The following JADE3 variants were observed in gnomAD, a reference collection of about 807,000 sequenced individuals.
JADE3 encodes the protein jade family PHD finger 3.
A neutral mutation model predicts 50.1 loss-of-function variants in JADE3; 2 were observed. The ratio of observed to expected loss-of-function variants is 0.04; its 90% CI spans 0.02 to 0.13. JADE3 has a LOEUF of 0.13. Ranked by LOEUF, JADE3 falls within the 10% of genes least tolerant of loss-of-function variation. The pLI is 1.00. For missense variants in JADE3, 475 were observed against 634.4 expected (o/e 0.75, Z 2.70); for synonymous variants, 218 against 232.9 (o/e 0.94, Z 0.58).
chrX:46,964,075 T>C (rs1043264317), intron 1 of JADE3, among the ~76,000 whole-genome samples: 2 of 112,494 alleles, frequency 1.8e-5, no homozygotes, highest in Non-Finnish European at 3.8e-5. Flanking sequence ...TGTTCACATG[T>C]CATGACCCTG....
chrX:46,915,485 C>G (rs1926061686), intron 1 of JADE3, among the ~76,000 whole-genome samples: 1 of 111,731 alleles, frequency 9.0e-6, no homozygotes, highest in Admixed American at 9.5e-5. Flanking sequence ...TTCTGTTGTT[C>G]CAGTTACAGT....
intron 6 of JADE3, among the ~76,000 whole-genome samples, chrX:47,032,610 C>T (rs1381493775): frequency 9.0e-6 from 1 of 110,878 alleles, no homozygotes; most frequent in Non-Finnish European, 1.9e-5. Context: ...GTGGTGAGGA[C>T]GGAGAGGAAC....
At chrX:47,040,493 A>G (rs1929233155) in intron 8 of JADE3, among the ~76,000 whole-genome samples, 1 of 111,251 alleles carries the variant, frequency 9.0e-6, no homozygotes, top group Non-Finnish European at 1.9e-5. Context: ...GTCTCCCATC[A>G]CCCCCAGATG....
chrX:46,953,671 G>A (rs1927056207), intron 1 of JADE3, among the ~76,000 whole-genome samples: 1 of 112,113 alleles, frequency 8.9e-6, no homozygotes, highest in South Asian at 3.7e-4. Context: ...GACAAAAGTT[G>A]CTAAGAGTAA....
At chrX:46,955,674 G>T (rs1214156971) in intron 1 of JADE3, among the ~76,000 whole-genome samples, 1 of 111,067 alleles carries the variant, frequency 9.0e-6, no homozygotes, top group Non-Finnish European at 1.9e-5. Context: ...AAACTGAGAG[G>T]TTCCAGTCCA....
intron 1 of JADE3, among the ~76,000 whole-genome samples, chrX:46,980,211 T>A (rs1348428903): frequency 9.0e-6 from 1 of 111,477 alleles, no homozygotes; most frequent in Non-Finnish European, 1.9e-5. Flanking sequence ...GTCATTTGTT[T>A]CCTTACTGTT....
intron 3 of JADE3, among the ~76,000 whole-genome samples, chrX:46,994,243 A>G (rs1364124584): frequency 8.9e-6 from 1 of 112,054 alleles, no homozygotes; most frequent in Non-Finnish European, 1.9e-5. Flanking sequence ...TTAAGCATTG[A>G]TGTTCTAATT....
At chrX:46,932,678 A>G (rs782603102) in intron 1 of JADE3, among the ~76,000 whole-genome samples, 1 of 111,978 alleles carries the variant, frequency 8.9e-6, no homozygotes, top group African/African-American at 3.2e-5. Flanking sequence ...GTTGGTTTTG[A>G]TGCTGTGCTA....
At chrX:46,915,408 AAGTG>A (rs1402821387) in intron 1 of JADE3, among the ~76,000 whole-genome samples, 3 of 112,147 alleles carry the variant, frequency 2.7e-5, no homozygotes, top group African/African-American at 9.7e-5. Context: ...TATAGGTGAG[AAGTG>A]AGTGTTAGGT....
intron 9 of JADE3, among the ~76,000 whole-genome samples, chrX:47,055,880 CT>C (rs1929623119): frequency 8.9e-6 from 1 of 112,031 alleles, no homozygotes; most frequent in African/African-American, 3.2e-5. Context: ...GAGCATTTTG[CT>C]TTTACTATTG....
intron 1 of JADE3, among the ~76,000 whole-genome samples, chrX:46,914,882 G>A (rs1425517708): frequency 8.9e-6 from 1 of 112,144 alleles, no homozygotes; most frequent in Non-Finnish European, 1.9e-5. Context: ...AGGCCCGTAG[G>A]GGAGATTCCC....
chrX:47,051,126 G>A (rs1327828729), intron 8 of JADE3, among the ~76,000 whole-genome samples: 1 of 110,480 alleles, frequency 9.1e-6, no homozygotes, highest in Non-Finnish European at 1.9e-5. Context: ...AGGGGGAGGT[G>A]TATAGAGTGG....
chrX:47,048,933 A>C (rs1241606675), intron 8 of JADE3, among the ~76,000 whole-genome samples: 2 of 112,040 alleles, frequency 1.8e-5, no homozygotes, highest in African/African-American at 6.5e-5. Context: ...CATGTATAAA[A>C]GATGCTTTGT....
chrX:46,966,137 T>C (rs369498002), intron 1 of JADE3, among the ~76,000 whole-genome samples: 16 of 111,792 alleles, frequency 1.4e-4, no homozygotes, highest in African/African-American at 5.2e-4. Context: ...TGTTCCAGGG[T>C]AAGATATAGG....
At chrX:47,009,105 T>C (rs1037702998) in intron 4 of JADE3, among the ~76,000 whole-genome samples, 2 of 110,592 alleles carry the variant, frequency 1.8e-5, no homozygotes, top group Non-Finnish European at 3.8e-5. Flanking sequence ...GGAGGATTAC[T>C]TGAGCCCAGG....
At chrX:47,051,324 AT>A (rs1929498243) in intron 8 of JADE3, among the ~76,000 whole-genome samples, 2 of 112,273 alleles carry the variant, frequency 1.8e-5, no homozygotes, top group Non-Finnish European at 3.8e-5. Flanking sequence ...TAGGTGTTGA[AT>A]TTCTCAATCT....
rs782550037 is a variant in JADE3, at chrX:47,053,041, G to A, written c.973-1117G>A. 2.7e-5 allele frequency among the ~76,000 whole-genome samples: 3 copies of A among 110,590 alleles called. No homozygotes were observed. The South Asian group carries it at 1.2e-3, about 44-fold the overall frequency. On this transcript the variant is annotated intron_variant, in intron 8 of 10. Transcript: ENST00000614628. ...ACTGCACTCCAGCCTGGGTGACAAAGTGAGACACCGTCTAAAAAAATTTTT... is the reference window on the plus strand; with the variant it reads ...ACTGCACTCCAGCCTGGGTGACAAAATGAGACACCGTCTAAAAAAATTTTT...
intron 4 of JADE3, among the ~76,000 whole-genome samples, chrX:47,018,332 G>A (rs1448675657): frequency 1.8e-5 from 2 of 109,749 alleles, no homozygotes; most frequent in Non-Finnish European, 3.8e-5. Context: ...AATGTACAGA[G>A]CACTTTCTTT....
At chrX:46,919,832 A>G (rs1452239946) in intron 1 of JADE3, among the ~76,000 whole-genome samples, 1 of 111,457 alleles carries the variant, frequency 9.0e-6, no homozygotes, top group Non-Finnish European at 1.9e-5. Context: ...AATCTCTGAC[A>G]TTTTAAAAGT....
Sources: allele counts gnomAD v4.1 joint callset (sites outside exome capture counted in the v4.1 genomes callset), GRCh38; gene constraint gnomAD v4.1.1; transcripts MANE v1.5; gene names NCBI Gene and HGNC (gene_info 2026-07-23, HGNC 2026-07-21).